Variants in PTPRR observed in about 807,000 individuals in gnomAD.
The protein encoded by PTPRR is protein tyrosine phosphatase receptor type R, also known as receptor-type tyrosine-protein phosphatase R.
In PTPRR, 38 loss-of-function variants were observed where a neutral mutation model predicts 77.2. That is an observed-to-expected ratio of 0.49 (90% CI 0.38 to 0.65). The LOEUF (loss-of-function observed/expected upper bound fraction) is 0.65. Ranked by LOEUF, PTPRR falls within the 30% of genes least tolerant of loss-of-function variation. The pLI, the probability that PTPRR is intolerant of heterozygous loss-of-function variation, is 0.00. For missense variants in PTPRR, 744 were observed against 799.2 expected, an observed-to-expected ratio of 0.93 and a Z score of 0.83; for synonymous variants, 299 against 283.1, an observed-to-expected ratio of 1.06 and a Z score of -0.57.
At chr12:70,772,141 A>T (rs1402906009) in intron 2 of PTPRR, among the ~76,000 whole-genome samples, 1 of 152,178 alleles carries the variant, frequency 6.6e-6, no homozygotes, top group Admixed American at 6.5e-5. Context: ...CATTTGAGAG[A>T]TACTCAAGGT....
At chr12:70,769,628 A>G (rs904994843) in intron 2 of PTPRR, among the ~76,000 whole-genome samples, 15 of 152,108 alleles carry the variant, frequency 9.9e-5, no homozygotes, top group Admixed American at 3.3e-4. Context: ...CAAGCTACCA[A>G]TGACTTTCTT....
At chr12:70,672,181 G>A in intron 10 of PTPRR, 2 of 1,544,744 alleles carry the variant, frequency 1.3e-6, no homozygotes, top group African/African-American at 2.7e-5. Context: ...GTGCCCAGTT[G>A]CCAGTCCTAC....
intron 2 of PTPRR, among the ~76,000 whole-genome samples, chr12:70,769,358 C>T (rs1375018980): frequency 4.0e-5 from 6 of 151,818 alleles, no homozygotes; most frequent in East Asian, 3.9e-4. Context: ...CATTCTTATA[C>T]ACCAATAACA....
chr12:70,702,619 A>C (rs1419103603), intron 6 of PTPRR, among the ~76,000 whole-genome samples: 1 of 152,168 alleles, frequency 6.6e-6, no homozygotes, highest in African/African-American at 2.4e-5. Flanking sequence ...ACGAAAATCT[A>C]TCAGTTTTCT....
At chr12:70,919,683 T>G (rs910738595) in intron 1 of PTPRR, among the ~76,000 whole-genome samples, 1 of 20,606 alleles carries the variant, frequency 4.9e-5, no homozygotes, top group Non-Finnish European at 7.3e-5. Flanking sequence ...GTTTTTTTTT[T>G]TTTTTTTTTT....
chr12:70,881,733 A>C (rs955763342), intron 2 of PTPRR, among the ~76,000 whole-genome samples: 1 of 152,222 alleles, frequency 6.6e-6, no homozygotes, highest in Non-Finnish European at 1.5e-5. Context: ...AAACGTCTTA[A>C]GTAGAAGATT....
intron 6 of PTPRR, among the ~76,000 whole-genome samples, chr12:70,712,858 A>G (rs1331517794): frequency 6.6e-6 from 1 of 151,954 alleles, no homozygotes; most frequent in East Asian, 1.9e-4. Context: ...AACTAAAGTT[A>G]TATATACTCC....
chr12:70,721,740 G>T lies in PTPRR; in HGVS notation c.1008-20417C>A, dbSNP rs139792343. On this transcript the variant is annotated intron_variant, in intron 6 of 13. Transcript: ENST00000283228. ...AGCCCGTTTAATCTTTATTTCACAG[G>T]CCTAGCTTTTCTATGGAAGATACCG... Among the ~76,000 whole-genome samples the T allele has an allele frequency of 5.3e-5, 8 of 152,174 alleles. No individual in the cohort carries two copies. The East Asian group carries it at 1.5e-3, about 29-fold the overall frequency.
chr12:70,743,548 G>A (rs912750888), intron 6 of PTPRR, among the ~76,000 whole-genome samples: 2 of 152,140 alleles, frequency 1.3e-5, no homozygotes, highest in African/African-American at 4.8e-5. Flanking sequence ...GAGGAAAACT[G>A]ATGAAGTTAC....
intron 6 of PTPRR, among the ~76,000 whole-genome samples, chr12:70,704,941 G>A (rs1173945243): frequency 6.6e-6 from 1 of 151,934 alleles, no homozygotes; most frequent in Non-Finnish European, 1.5e-5. Flanking sequence ...TGGACAAAAG[G>A]GAACATAATA....
chr12:70,873,882 G>T (rs1363223847), intron 2 of PTPRR, among the ~76,000 whole-genome samples: 1 of 152,100 alleles, frequency 6.6e-6, no homozygotes, highest in Non-Finnish European at 1.5e-5. Flanking sequence ...CAGTATGTGG[G>T]TAAGTGTAAA....
chr12:70,752,145 T>C (rs1340090649), intron 5 of PTPRR, among the ~76,000 whole-genome samples: 1 of 152,142 alleles, frequency 6.6e-6, no homozygotes, highest in Non-Finnish European at 1.5e-5. Context: ...CCCTCTAGAG[T>C]AAAGACTTCA....
intron 6 of PTPRR, among the ~76,000 whole-genome samples, chr12:70,727,534 C>A (rs1376713585): frequency 6.6e-6 from 1 of 152,098 alleles, no homozygotes; most frequent in Admixed American, 6.5e-5. Flanking sequence ...GTATTGTGAT[C>A]AGGTTTTCCA....
At chr12:70,703,754 A>C (rs1888515289) in intron 6 of PTPRR, among the ~76,000 whole-genome samples, 1 of 152,152 alleles carries the variant, frequency 6.6e-6, no homozygotes, top group Non-Finnish European at 1.5e-5. Context: ...GCCCTTTAAA[A>C]TCACCATGCC....
intron 2 of PTPRR, among the ~76,000 whole-genome samples, chr12:70,848,167 G>A (rs751923389): frequency 6.6e-6 from 1 of 152,114 alleles, no homozygotes; most frequent in African/African-American, 2.4e-5. Context: ...TAAACGAACT[G>A]TCAAACAACT....
chr12:70,863,090 C>T (rs1193374014), intron 2 of PTPRR, among the ~76,000 whole-genome samples: 1 of 152,170 alleles, frequency 6.6e-6, no homozygotes, highest in African/African-American at 2.4e-5. Context: ...TAACCCTACT[C>T]TTTGCTTTTA....
intron 8 of PTPRR, among the ~76,000 whole-genome samples, chr12:70,694,738 A>C (rs1416644628): frequency 6.6e-6 from 1 of 152,174 alleles, no homozygotes; most frequent in African/African-American, 2.4e-5. Context: ...CGTCAGAAGA[A>C]GCCCAAACGG....
At chr12:70,763,029 CTA>C (rs1333981209) in intron 3 of PTPRR, among the ~76,000 whole-genome samples, 21 of 151,792 alleles carry the variant, frequency 1.4e-4, no homozygotes, top group Non-Finnish European at 1.0e-4. Flanking sequence ...TATCATCTCT[CTA>C]TATATCTTAG....
chr12:70,915,507 CTGTT>C lies in PTPRR; in HGVS notation c.58+4822_58+4825del, dbSNP rs1893762362. ...AGTTTTTTCTAGTGTATTAGACTCT[CTGTT>C]TGTAAATCAGCTGATCCCTGTAGCC... On this transcript the variant is annotated intron_variant, in intron 1 of 13. Transcript: ENST00000283228. Among the ~76,000 whole-genome samples, 7 of 152,334 alleles carry C rather than the reference CTGTT, an allele frequency of 4.6e-5. No homozygotes were observed. In the South Asian group the frequency reaches 1.2e-3, roughly 27 times the overall value.
Sources: allele counts gnomAD v4.1 joint callset (sites outside exome capture counted in the v4.1 genomes callset), GRCh38; gene constraint gnomAD v4.1.1; transcripts MANE v1.5; gene names NCBI Gene and HGNC (gene_info 2026-07-23, HGNC 2026-07-21).